The following TNNI3K variants were observed in gnomAD, a reference collection of about 807,000 sequenced individuals.
TNNI3K encodes TNNI3 interacting kinase.
In TNNI3K, 140 loss-of-function variants were observed where a neutral mutation model predicts 114.5. That is an observed-to-expected ratio of 1.22 (90% CI 1.07 to 1.41). TNNI3K has a LOEUF of 1.41. TNNI3K is among the 40% of genes most tolerant of loss of function. The probability of loss-of-function intolerance (pLI) is 0.00; values close to 1 mark genes in which losing one functional copy is unlikely to be tolerated. For synonymous variants in TNNI3K, 347 were observed against 347.5 expected (o/e 1.00, Z 0.02); for missense variants, 1,125 against 1,007.6 (o/e 1.12, Z -1.58).
chr1:74,496,925 G>C (rs575174605), intron 23 of TNNI3K, among the ~76,000 whole-genome samples: 34 of 152,268 alleles, frequency 2.2e-4, no homozygotes, highest in African/African-American at 7.9e-4. Context: ...TAGTGTTTAT[G>C]TGGGGCTGGG....
chr1:74,300,581 T>C (rs1658264501), intron 5 of TNNI3K, among the ~76,000 whole-genome samples: 1 of 152,196 alleles, frequency 6.6e-6, no homozygotes, highest in African/African-American at 2.4e-5. Flanking sequence ...ATCTTAAGCC[T>C]AAAGCTTTGG....
At chr1:74,509,188 A>G (rs1413943398) in intron 23 of TNNI3K, among the ~76,000 whole-genome samples, 5 of 152,080 alleles carry the variant, frequency 3.3e-5, no homozygotes, top group Non-Finnish European at 5.9e-5. Context: ...TTCCTTACTT[A>G]TTTACACTAC....
chr1:74,353,201 G>A, intron 9 of TNNI3K, 65 bp from the exon 10 acceptor site: 1 of 1,549,556 alleles, frequency 6.5e-7, no homozygotes. Flanking sequence ...GTGTAGGGGA[G>A]AGGGCACAAT....
At chr1:74,505,597 T>C (rs907266244) in intron 23 of TNNI3K, among the ~76,000 whole-genome samples, 1 of 152,210 alleles carries the variant, frequency 6.6e-6, no homozygotes, top group Non-Finnish European at 1.5e-5. Flanking sequence ...GTGGACTATA[T>C]CTAAACCTCA....
At chr1:74,265,200 AATGT>A (rs1318027543) in intron 4 of TNNI3K, among the ~76,000 whole-genome samples, 1 of 152,072 alleles carries the variant, frequency 6.6e-6, no homozygotes, top group Non-Finnish European at 1.5e-5. Flanking sequence ...CTCTGAAAAG[AATGT>A]AGGAGTACAA....
intron 23 of TNNI3K, among the ~76,000 whole-genome samples, chr1:74,511,323 G>A (rs1316321736): frequency 6.6e-6 from 1 of 152,082 alleles, no homozygotes; most frequent in Non-Finnish European, 1.5e-5. Flanking sequence ...CTCCCGAGTA[G>A]CTGGGACTAC....
chr1:74,429,171 C>G (rs1475993687), intron 17 of TNNI3K, among the ~76,000 whole-genome samples: 2 of 152,040 alleles, frequency 1.3e-5, no homozygotes, highest in East Asian at 3.9e-4. Context: ...AAACCAGGAC[C>G]TCCAGCAGTT....
intron 23 of TNNI3K, among the ~76,000 whole-genome samples, chr1:74,499,292 C>G (rs1669489240): frequency 6.6e-6 from 1 of 152,168 alleles, no homozygotes; most frequent in Non-Finnish European, 1.5e-5. Flanking sequence ...CAGGCATGCG[C>G]CACCATGCCC....
At chr1:74,266,743 A>G (rs1194830616) in intron 4 of TNNI3K, among the ~76,000 whole-genome samples, 1 of 152,022 alleles carries the variant, frequency 6.6e-6, no homozygotes, top group Non-Finnish European at 1.5e-5. Context: ...ATCCATAGCA[A>G]TAATCACAGA....
At chr1:74,445,245 G>C (rs1666586451) in intron 20 of TNNI3K, among the ~76,000 whole-genome samples, 1 of 138,080 alleles carries the variant, frequency 7.2e-6, no homozygotes, top group Admixed American at 7.4e-5. Flanking sequence ...TATACTTTAA[G>C]TTTTAGGGTA....
At chr1:74,246,337 T>C (rs1226782767) in intron 2 of TNNI3K, among the ~76,000 whole-genome samples, 1 of 152,236 alleles carries the variant, frequency 6.6e-6, no homozygotes, top group Non-Finnish European at 1.5e-5. Flanking sequence ...AGGTCTTCTT[T>C]GTGGTTATGA....
intron 5 of TNNI3K, among the ~76,000 whole-genome samples, chr1:74,316,218 G>A (rs1387871676): frequency 6.6e-6 from 1 of 152,122 alleles, no homozygotes; most frequent in Non-Finnish European, 1.5e-5. Flanking sequence ...ACATAAAACT[G>A]CCACTAGGAT....
At chr1:74,393,544 G>A (rs992365045) in intron 17 of TNNI3K, among the ~76,000 whole-genome samples, 1 of 152,276 alleles carries the variant, frequency 6.6e-6, no homozygotes, top group East Asian at 1.9e-4. Flanking sequence ...TCTATCTCTT[G>A]TGCTATGTCT....
At chr1:74,314,405 C>T (rs376215922) in intron 5 of TNNI3K, among the ~76,000 whole-genome samples, 1 of 151,910 alleles carries the variant, frequency 6.6e-6, no homozygotes, top group African/African-American at 2.4e-5. Flanking sequence ...CAAATAAAGT[C>T]GCTTTCTTTG....
chr1:74,434,852 A>G (rs771203416), intron 17 of TNNI3K, among the ~76,000 whole-genome samples: 2 of 152,064 alleles, frequency 1.3e-5, no homozygotes, highest in East Asian at 1.9e-4. Context: ...AGCAATTACA[A>G]GAGAAGTTCA....
chr1:74,467,334 T>G (rs1043357060), intron 21 of TNNI3K, among the ~76,000 whole-genome samples: 1 of 152,146 alleles, frequency 6.6e-6, no homozygotes, highest in Non-Finnish European at 1.5e-5. Flanking sequence ...CAACTGTGCT[T>G]CTCATTTTTT....
chr1:74,390,521 AAT>A (rs961546808), intron 17 of TNNI3K, among the ~76,000 whole-genome samples: 14 of 152,124 alleles, frequency 9.2e-5, no homozygotes, highest in African/African-American at 3.4e-4. Context: ...CAGTAGTGAT[AAT>A]ACTGTATTTT....
chr1:74,265,668 C>T (rs999892718), intron 4 of TNNI3K, among the ~76,000 whole-genome samples: 1 of 151,996 alleles, frequency 6.6e-6, no homozygotes, highest in South Asian at 2.1e-4. Context: ...TATTATGTGT[C>T]AAGCATTGTA....
chr1:74,265,379 TG>T (rs1655909149), intron 4 of TNNI3K, among the ~76,000 whole-genome samples: 1 of 151,922 alleles, frequency 6.6e-6, no homozygotes, highest in Non-Finnish European at 1.5e-5. Context: ...GGGCTAGAAA[TG>T]TCGAGGCCCT....
Sources: gnomAD v4.1 joint callset for allele counts (sites outside exome capture counted in the v4.1 genomes callset) on GRCh38, gnomAD v4.1.1 for gene constraint, MANE v1.5 for transcripts, NCBI Gene and HGNC (gene_info 2026-07-23, HGNC 2026-07-21) for gene names.